DNAH6: variants seen among roughly 807,000 people sequenced by gnomAD.
The protein encoded by DNAH6 is axonemal beta dynein heavy chain 6.
Under a neutral mutation model 491.4 loss-of-function variants are expected in DNAH6, and 340 were observed. That is an observed-to-expected ratio of 0.69 (90% CI 0.63 to 0.76). The LOEUF is 0.76. DNAH6 is among the 30% of genes least tolerant of loss of function. The pLI is 0.00. For synonymous variants in DNAH6, 1,603 were observed against 1,686.1 expected, an observed-to-expected ratio of 0.95 and a Z score of 1.21; for missense variants, 4,443 against 4,972.2, an observed-to-expected ratio of 0.89 and a Z score of 3.20.
chr2:84,481,168 C>T, the DNAH6 span, among the ~76,000 whole-genome samples: 10 of 152,096 alleles, frequency 6.6e-5, no homozygotes, highest in Admixed American at 5.9e-4. Context: ...GCAGACATGC[C>T]AGGCAGATAG....
In DNAH6 at chr2:84,704,166, C is replaced by A. The variant is rs774648613; in HGVS notation, c.8329C>A (p.Leu2777Ile). Residue 2777 changes from leucine to isoleucine, a missense_variant, in exon 51 of 77, where the codon CTA (leucine) becomes ATA (isoleucine). Physicochemically the swap from Leu to Ile is conservative, Grantham distance 5 (BLOSUM62 2). Transcript: ENST00000389394. ...TGCTCAAAGAGATCTTGACGAGGCA[C>A]TACCTGCACTAGATGCTGCCAATAA... ...DDAQRDLDEALPALDAANKAL... is the reference protein window; with the variant it reads ...DDAQRDLDEAIPALDAANKAL... The A allele has an allele frequency of 6.4e-7, 1 of 1,551,774 alleles. No individual in the cohort carries two copies. The highest frequency in any genetic ancestry group is 8.7e-7 in the Non-Finnish European group (1 of 1,147,030).
At chr2:84,754,210 GC>G (rs1211748207) in intron 63 of DNAH6, among the ~76,000 whole-genome samples, 2 of 148,138 alleles carry the variant, frequency 1.4e-5, no homozygotes, top group Admixed American at 1.4e-4. Flanking sequence ...ACGGAGTTTT[GC>G]CCTTGTCGCC....
chr2:84,574,222 A>T (rs1682199479), intron 12 of DNAH6, among the ~76,000 whole-genome samples: 1 of 152,026 alleles, frequency 6.6e-6, no homozygotes, highest in Admixed American at 6.6e-5. Context: ...TTTCTTATAT[A>T]TAAATATAAT....
At position 84,799,766 on chromosome 2, in the gene DNAH6, G is replaced by A. The variant is rs1678707977; in HGVS notation, c.11481+2108G>A. Among the ~76,000 whole-genome samples the A allele has an allele frequency of 2.0e-5, 3 of 152,170 alleles. No individual in the cohort carries two copies. In the South Asian group the frequency reaches 6.2e-4, roughly 31 times the overall value. On this transcript the variant is annotated intron_variant, in intron 70 of 76. Transcript: ENST00000389394. ...AGCCCCACTTGGGAAAAAGGAAATG[G>A]GGGTGTGATGCCAGCCACTAAAAGA...
At chr2:84,513,840 A>G (rs920124649), upstream of DNAH6, among the ~76,000 whole-genome samples, 3 of 152,102 alleles carry the variant, frequency 2.0e-5, no homozygotes, top group Admixed American at 6.5e-5. Context: ...ATACTCCTAA[A>G]TTCCTGGGGG....
chr2:84,684,160 C>T (rs1333766793), intron 42 of DNAH6, among the ~76,000 whole-genome samples: 1 of 152,212 alleles, frequency 6.6e-6, no homozygotes, highest in Non-Finnish European at 1.5e-5. Context: ...TGAAATCTTG[C>T]CCTCTTATAC....
chr2:84,624,188 TTGAA>T, intron 26 of DNAH6, 73 bp from the exon 27 acceptor site: 2 of 1,322,422 alleles, frequency 1.5e-6, no homozygotes, highest in South Asian at 1.6e-5. Context: ...TCTCTCCAAA[TTGAA>T]TGGTGAAAGA....
chr2:84,711,715 G>T (rs1478131466), intron 56 of DNAH6, among the ~76,000 whole-genome samples: 1 of 152,150 alleles, frequency 6.6e-6, no homozygotes. Flanking sequence ...AAATCCACAG[G>T]TTACACTATT....
intron 8 of DNAH6, among the ~76,000 whole-genome samples, chr2:84,548,848 C>A (rs1036632528): frequency 2.6e-5 from 4 of 152,222 alleles, no homozygotes; most frequent in African/African-American, 9.6e-5. Flanking sequence ...TCTGGCCCAG[C>A]CTGGGCATGG....
intron 15 of DNAH6, 141 bp downstream of exon 15, chr2:84,584,391 A>G: frequency 1.1e-6 from 1 of 886,522 alleles, no homozygotes; most frequent in Non-Finnish European, 1.7e-6. Context: ...ATACATTGTG[A>G]AATTGTTAAT....
At chr2:84,595,576 T>A in intron 17 of DNAH6, 70 bp from the exon 18 acceptor site, 1 of 1,344,752 alleles carries the variant, frequency 7.4e-7, no homozygotes, top group African/African-American at 1.5e-5. Context: ...TAAAAGTTTT[T>A]TTAGTATTTC....
chr2:84,462,460 T>A, the DNAH6 span, among the ~76,000 whole-genome samples: 3 of 152,246 alleles, frequency 2.0e-5, no homozygotes, highest in Non-Finnish European at 4.4e-5. Flanking sequence ...CATCCAGACT[T>A]CCTGAGTCAC....
rs371222574 is a variant in DNAH6, at chr2:84,815,916, G to T, written c.12206G>T (p.Arg4069Leu). ...CATGGGATGTTCATGGATGCTTCTC[G>T]ATGGGATGATAAGGAGATGGTGATA... The part of the protein sequence containing the change: ...LVHGMFMDAS[R>L]WDDKEMVIED... The change falls in exon 76 of 77, where the codon CGA becomes CTA. Residue 4069 changes from arginine (R) to leucine (L), a missense_variant. Around this residue, in one of 3 missense-constraint regions of DNAH6, gnomAD observed 1,463 missense variants for 1,656.6 expected, o/e 0.88. Coordinates refer to ENST00000389394, the MANE Select transcript of DNAH6 (RefSeq NM_001370.2). 9.7e-6 allele frequency: 15 copies of T among 1,551,638 alleles called. No individual in the cohort carries two copies. The African/African-American group carries it at 2.1e-4, about 21-fold the overall frequency.
At chr2:84,632,592 G>A (rs918691179) in intron 29 of DNAH6, among the ~76,000 whole-genome samples, 1 of 152,174 alleles carries the variant, frequency 6.6e-6, no homozygotes, top group African/African-American at 2.4e-5. Flanking sequence ...GGACTTACAT[G>A]TATGCTAAGT....
intron 4 of DNAH6, among the ~76,000 whole-genome samples, chr2:84,534,587 A>T (rs1677501109): frequency 6.6e-6 from 1 of 151,778 alleles, no homozygotes; most frequent in South Asian, 2.1e-4. Flanking sequence ...GTTTTTTTTT[A>T]ATTTCATTTG....
At chr2:84,524,970 C>T (rs539816038) in intron 2 of DNAH6, among the ~76,000 whole-genome samples, 1 of 152,170 alleles carries the variant, frequency 6.6e-6, no homozygotes, top group East Asian at 1.9e-4. Context: ...GTTTCCTTTA[C>T]TTAATCTCAA....
In DNAH6 at chr2:84,784,723, T is replaced by G; in HGVS notation, c.10866T>G (p.Asp3622Glu). The G allele has an allele frequency of 6.5e-7, 1 of 1,542,670 alleles. No individual in the cohort carries two copies. Among genetic ancestry groups the G allele is most frequent in the Admixed American group, 2.0e-5 (1 of 50,892 alleles). The change falls in exon 66 of 77, where the codon GAT becomes GAG. Residue 3622 changes from aspartate to glutamate, a missense_variant and splice_region_variant. By Grantham distance (45) the Asp-to-Glu change is conservative. This residue lies in a region of DNAH6 where 1,463 missense variants were observed against 1,656.6 expected (regional missense o/e 0.88). Coordinates refer to ENST00000389394, the MANE Select transcript of DNAH6 (RefSeq NM_001370.2). ...TTGTTTTATCTTTGTTTTAAGCAGA[T>G]AGTGCTATCAAGGACACTTTTCGAC... ...EELIKTFTDP[D>E]SAIKDTFRLF... is the part of the protein sequence containing the mutation.
chr2:84,551,795 C>G (rs1015849974), intron 9 of DNAH6, among the ~76,000 whole-genome samples: 2 of 152,160 alleles, frequency 1.3e-5, no homozygotes, highest in South Asian at 2.1e-4. Flanking sequence ...TGTTTGTAAT[C>G]CCAGCACTTT....
intron 16 of DNAH6, among the ~76,000 whole-genome samples, chr2:84,592,111 C>T (rs898313493): frequency 2.6e-5 from 4 of 152,068 alleles, no homozygotes; most frequent in African/African-American, 9.7e-5. Context: ...AACTAAACAG[C>T]TTCTGCAAAG....
Sources: gnomAD v4.1 joint callset for allele counts (sites outside exome capture counted in the v4.1 genomes callset) on GRCh38, gnomAD v4.1.1 for gene constraint, gnomAD v4.1.1 regional missense constraint, MANE v1.5 for transcripts, NCBI Gene and HGNC (gene_info 2026-07-23, HGNC 2026-07-21) for gene names.